Variants in ERBIN observed in about 807,000 individuals in gnomAD.
ERBIN encodes the protein erbb2 interacting protein, also known as densin-180-like protein.
ERBIN carries 60 observed loss-of-function variants against 158.4 expected under a neutral mutation model. The ratio of observed to expected loss-of-function variants is 0.38; its 90% confidence interval spans 0.31 to 0.47. The LOEUF (loss-of-function observed/expected upper bound fraction) is 0.47, where lower values mean the gene tolerates loss of function less well. ERBIN is among the 20% of genes least tolerant of loss of function. The probability of loss-of-function intolerance (pLI) is 0.99; values close to 1 mark genes in which losing one functional copy is unlikely to be tolerated. For synonymous variants in ERBIN, 594 were observed against 557.2 expected, an observed-to-expected ratio of 1.07 and a Z score of -0.93; for missense variants, 1,610 against 1,648.0, an observed-to-expected ratio of 0.98 and a Z score of 0.40.
rs1215154839 is a variant in ERBIN, at chr5:66,079,426, T to A, written c.*896T>A. On this transcript the variant is annotated 3_prime_UTR_variant, in exon 26 of 26. Coordinates refer to ENST00000284037, the MANE Select transcript of ERBIN (RefSeq NM_001253697.2). ...TTGCAATCTGTTTTATAATTAGTGCTCCATTTAAATCTAATTTATAATTTT... is the reference window on the plus strand; with the variant it reads ...TTGCAATCTGTTTTATAATTAGTGCACCATTTAAATCTAATTTATAATTTT... 1 of 152,424 alleles carries A rather than the reference T, an allele frequency of 6.6e-6. No homozygotes were observed. The highest frequency in any genetic ancestry group is 2.4e-5 in the African/African-American group (1 of 41,400). 9.4% of individuals were successfully genotyped at this position (152,424 alleles called of 1,614,324 possible). A position where few individuals can be genotyped will look rare whatever the true frequency, so the allele number is the denominator to read the frequency against.
rs1158915618 is a variant in ERBIN at position 66,081,152 on chromosome 5, C to CT, written c.*2625dup. 1 of 151,802 alleles carries CT rather than the reference C, an allele frequency of 6.6e-6. No individual in the cohort carries two copies. Among genetic ancestry groups the CT allele is most frequent in the Admixed American group, 6.6e-5 (1 of 15,254 alleles). 9.4% of individuals were successfully genotyped at this position (151,802 alleles called of 1,614,324 possible). A position where few individuals can be genotyped will look rare whatever the true frequency, so the allele number is the denominator to read the frequency against. ...CACAACTGTCTTTTAGTGATTTTGT[C>CT]TTTAAGAGTAATTTCTTACTCTAAC... On this transcript the variant is annotated 3_prime_UTR_variant, in exon 26 of 26. Coordinates refer to ENST00000284037, the MANE Select transcript of ERBIN (RefSeq NM_001253697.2).
In ERBIN at chr5:66,054,428, G is replaced by A. The variant is rs749390226; in HGVS notation, c.3110G>A (p.Arg1037Gln). 10 of 1,614,088 alleles carry A rather than the reference G, an allele frequency of 6.2e-6. No homozygotes were observed. Among genetic ancestry groups the A allele is most frequent in the East Asian group, 2.2e-5 (1 of 44,878 alleles). ...AATTTCTCTAATCATAACAATGTTC[G>A]AGCTAATACTGCATACCATTTACAT... ...NMNFSNHNNV[R>Q]ANTAYHLHQR... The change falls in exon 21 of 26, where the codon CGA becomes CAA. Residue 1037 changes from arginine (R) to glutamine (Q), a missense_variant. This residue lies in a region of ERBIN where 1,014 missense variants were observed against 936.1 expected (regional missense o/e 1.08). Coordinates refer to ENST00000284037, the MANE Select transcript of ERBIN (RefSeq NM_001253697.2).
At position 66,054,410 on chromosome 5, in the gene ERBIN, C is replaced by G. The variant is rs1759377224; in HGVS notation, c.3092C>G (p.Ser1031Cys). 1 of 1,614,130 alleles carries G rather than the reference C, an allele frequency of 6.2e-7. No individual in the cohort carries two copies. Among genetic ancestry groups the G allele is most frequent in the Non-Finnish European group, 8.5e-7 (1 of 1,180,022 alleles). Residue 1031 changes from serine (S) to cysteine (C), a missense_variant, in exon 21 of 26, where the codon TCT (serine) becomes TGT (cysteine). Ser to Cys is a moderately radical substitution (Grantham distance 112). This residue lies in a region of ERBIN where 1,014 missense variants were observed against 936.1 expected (regional missense o/e 1.08). Transcript: ENST00000284037. ...AAACATTCTGCCAATATGAATTTCT[C>G]TAATCATAACAATGTTCGAGCTAAT... ...YAKHSANMNF[S>C]NHNNVRANTA...
At chr5:65,940,413 G>A (rs1744740142) in intron 1 of ERBIN, among the ~76,000 whole-genome samples, 1 of 144,846 alleles carries the variant, frequency 6.9e-6, no homozygotes, top group African/African-American at 2.7e-5. Flanking sequence ...CCGGGAGGGA[G>A]GTGGGGGGGT....
At chr5:66,038,509 G>A in intron 15 of ERBIN, 27 bp downstream of exon 15, 1 of 1,519,458 alleles carries the variant, frequency 6.6e-7, no homozygotes, top group Non-Finnish European at 9.0e-7. Context: ...CGATTTTCTT[G>A]TTAAAAACAA....
chr5:66,032,123 C>T (rs1455088853), intron 14 of ERBIN, among the ~76,000 whole-genome samples: 1 of 152,090 alleles, frequency 6.6e-6, no homozygotes, highest in African/African-American at 2.4e-5. Context: ...ACAAGCAGAT[C>T]ATTGTGACAA....
At chr5:65,995,021 C>T (rs376647035) in intron 4 of ERBIN, among the ~76,000 whole-genome samples, 157 bp downstream of exon 4, 37 of 151,934 alleles carry the variant, frequency 2.4e-4, no homozygotes, top group Admixed American at 7.2e-4. Context: ...GATAGTTGCC[C>T]GACTTTACAA....
chr5:65,956,642 A>C (rs900331710), intron 1 of ERBIN, among the ~76,000 whole-genome samples: 5 of 151,844 alleles, frequency 3.3e-5, no homozygotes. Flanking sequence ...AGACTCCCAA[A>C]GTGTTGGGAT....
At position 65,928,814 on chromosome 5, in the gene ERBIN, C is replaced by T. The variant is rs144021727; in HGVS notation, c.-58+2008C>T. Among the ~76,000 whole-genome samples the T allele has an allele frequency of 9.9e-5, 15 of 152,082 alleles. No individual in the cohort carries two copies. The East Asian group carries it at 2.3e-3, about 23-fold the overall frequency. ...ACTATTGTGAAACTATAAGTATTTT[C>T]GAAGCTTTGTTTAAACTGTGACAAA... On this transcript the variant is annotated intron_variant, in intron 1 of 25. Transcript: ENST00000284037.
At chr5:66,073,629 C>T (rs919819140) in intron 22 of ERBIN, among the ~76,000 whole-genome samples, 7 of 152,112 alleles carry the variant, frequency 4.6e-5, no homozygotes, top group African/African-American at 1.7e-4. Flanking sequence ...TTATATCTTT[C>T]AGCAAGGTTC....
intron 4 of ERBIN, among the ~76,000 whole-genome samples, chr5:66,002,698 G>GA (rs202051540): frequency 0.04 from 6,099 of 152,264 alleles, 413 homozygotes; most frequent in African/African-American, 0.14. Context: ...TTTAACTTGA[G>GA]AAAATCTGAT....
intron 15 of ERBIN, among the ~76,000 whole-genome samples, chr5:66,040,817 C>G (rs750294869): frequency 6.7e-6 from 1 of 149,970 alleles, no homozygotes; most frequent in Non-Finnish European, 1.5e-5. Flanking sequence ...AAAATTCTTG[C>G]CTTCAAGATT....
At chr5:65,945,131 G>C (rs1745583387) in intron 1 of ERBIN, among the ~76,000 whole-genome samples, 1 of 152,180 alleles carries the variant, frequency 6.6e-6, no homozygotes, top group Non-Finnish European at 1.5e-5. Context: ...AAGAATCGTG[G>C]AGTCATTTAT....
At chr5:65,936,373 G>A (rs2150857291) in intron 1 of ERBIN, among the ~76,000 whole-genome samples, 1 of 152,280 alleles carries the variant, frequency 6.6e-6, no homozygotes, top group East Asian at 1.9e-4. Flanking sequence ...TAAGGATCTT[G>A]GCAGCATCAA....
At chr5:66,007,824 G>A (rs1413283062) in intron 4 of ERBIN, among the ~76,000 whole-genome samples, 1 of 152,178 alleles carries the variant, frequency 6.6e-6, no homozygotes, top group Non-Finnish European at 1.5e-5. Context: ...TGAGGCATGT[G>A]AACAAAATCT....
At chr5:66,072,143 T>C (rs1761589158) in intron 21 of ERBIN, 26 bp from the exon 22 acceptor site, 1 of 1,544,508 alleles carries the variant, frequency 6.5e-7, no homozygotes, top group Non-Finnish European at 8.7e-7. Flanking sequence ...ACATTATTTG[T>C]TTACTTTTTA....
chr5:65,953,857 G>GT (rs1746787840), intron 1 of ERBIN, among the ~76,000 whole-genome samples: 1 of 152,180 alleles, frequency 6.6e-6, no homozygotes, highest in Non-Finnish European at 1.5e-5. Context: ...TGTTTAGGCT[G>GT]TGGGGGATTG....
At chr5:66,070,920 C>T (rs60905629) in intron 21 of ERBIN, among the ~76,000 whole-genome samples, 6,131 of 152,132 alleles carry the variant, frequency 0.04, 418 homozygotes, top group African/African-American at 0.14. Context: ...ATGTTGCTAG[C>T]CGTAAACTGT....
Position 66,044,067 on chromosome 5 carries a change from G to C in ERBIN, c.1429-70G>C, listed in dbSNP as rs1036492570. 1.8e-5 allele frequency: 21 copies of C among 1,168,336 alleles called. No individual in the cohort carries two copies. The Admixed American group carries it at 4.8e-4, about 27-fold the overall frequency. 72.4% of individuals were successfully genotyped at this position (1,168,336 alleles called of 1,614,324 possible). A position where few individuals can be genotyped will look rare whatever the true frequency, so the allele number is the denominator to read the frequency against. On this transcript the variant is annotated intron_variant, in intron 16 of 25. Transcript: ENST00000284037. ...TCTAATGTAATTCAGATGGGTTACA[G>C]ATTAAATTTTGTTTGAGATTGACAT... is the stretch of plus-strand genomic sequence containing the variant.
Sources: gnomAD v4.1 joint callset for allele counts (sites outside exome capture counted in the v4.1 genomes callset) on GRCh38, gnomAD v4.1.1 for gene constraint, gnomAD v4.1.1 regional missense constraint, MANE v1.5 for transcripts, NCBI Gene and HGNC (gene_info 2026-07-23, HGNC 2026-07-21) for gene names.